Variants in EPC2 observed in about 807,000 individuals in gnomAD.
EPC2 encodes the protein enhancer of polycomb homolog 2.
In EPC2, 14 loss-of-function variants were observed where a neutral mutation model predicts 92.1. The observed-to-expected ratio is 0.15, with a 90% CI of 0.10 to 0.24. The LOEUF is 0.24. Among genes scored for constraint, EPC2 ranks in the 10% least tolerant of loss-of-function variants. EPC2 has a pLI of 1.00. For missense variants in EPC2, 755 were observed against 971.5 expected, an observed-to-expected ratio of 0.78 and a Z score of 2.96; for synonymous variants, 340 against 334.7, an observed-to-expected ratio of 1.02 and a Z score of -0.17.
In EPC2 at chr2:148,786,480, A is replaced by T; in HGVS notation, c.*103A>T. 1.2e-6 allele frequency: 1 copy of T among 852,726 alleles called. No homozygotes were observed. The highest frequency in any genetic ancestry group is 1.6e-5 in the South Asian group (1 of 64,446). 52.8% of individuals were successfully genotyped at this position (852,726 alleles called of 1,614,324 possible). On this transcript the variant is annotated 3_prime_UTR_variant, in exon 14 of 14. Coordinates refer to ENST00000258484, the MANE Select transcript of EPC2 (RefSeq NM_015630.4). ...TGTGGATCACAGAGTGTAACAATGG[A>T]CCTAAATGGACTATAGTATATTGGA...
intron 2 of EPC2, among the ~76,000 whole-genome samples, chr2:148,707,830 C>T (rs773717350): frequency 1.8e-4 from 28 of 152,208 alleles, no homozygotes; most frequent in Non-Finnish European, 3.8e-4. Flanking sequence ...ACCGGAATCT[C>T]TGGGACACAT....
chr2:148,668,241 A>G (rs923789392), intron 1 of EPC2, among the ~76,000 whole-genome samples: 2 of 152,146 alleles, frequency 1.3e-5, no homozygotes, highest in Non-Finnish European at 2.9e-5. Flanking sequence ...TTAATATGGT[A>G]AGTTACATTT....
chr2:148,671,475 A>C (rs1451813225), intron 1 of EPC2, among the ~76,000 whole-genome samples: 1 of 151,956 alleles, frequency 6.6e-6, no homozygotes, highest in Non-Finnish European at 1.5e-5. Context: ...TTAGTCAGGC[A>C]TGGTGGTGTG....
intron 1 of EPC2, among the ~76,000 whole-genome samples, chr2:148,678,836 A>G (rs991536912): frequency 6.6e-6 from 1 of 152,232 alleles, no homozygotes; most frequent in Non-Finnish European, 1.5e-5. Context: ...AGGGGCTCCC[A>G]CAGTGCAGCG....
At chr2:148,670,575 T>G (rs1010700697) in intron 1 of EPC2, among the ~76,000 whole-genome samples, 1 of 152,332 alleles carries the variant, frequency 6.6e-6, no homozygotes, top group Middle Eastern at 3.4e-3. Context: ...GTTGGGTTCT[T>G]TCTTCCAAAT....
intron 4 of EPC2, among the ~76,000 whole-genome samples, chr2:148,756,667 C>A (rs567319578): frequency 2.0e-4 from 31 of 152,310 alleles, no homozygotes; most frequent in Non-Finnish European, 3.8e-4. Flanking sequence ...ATTGGGAAAT[C>A]CTAGATCAGC....
intron 10 of EPC2, among the ~76,000 whole-genome samples, chr2:148,777,218 C>G (rs1311849358): frequency 6.6e-6 from 1 of 152,036 alleles, no homozygotes; most frequent in Non-Finnish European, 1.5e-5. Flanking sequence ...GTAACAAAGA[C>G]TGACCTGGTA....
intron 2 of EPC2, among the ~76,000 whole-genome samples, chr2:148,697,995 C>T (rs781109761): frequency 7.9e-5 from 12 of 151,892 alleles, no homozygotes; most frequent in Non-Finnish European, 1.6e-4. Context: ...AATTGGACCA[C>T]GTAGGACCTC....
At chr2:148,692,548 C>A (rs1035697867) in intron 2 of EPC2, 1 of 152,094 alleles carries the variant, frequency 6.6e-6, no homozygotes, top group Non-Finnish European at 1.5e-5. Context: ...AACACACATG[C>A]GAAAATTATT....
At chr2:148,678,897 G>T (rs1346261668) in intron 1 of EPC2, among the ~76,000 whole-genome samples, 1 of 152,252 alleles carries the variant, frequency 6.6e-6, no homozygotes, top group Non-Finnish European at 1.5e-5. Context: ...CCAGGCAGAG[G>T]AGGCGCCAAG....
At chr2:148,686,769 T>A (rs1681535735) in intron 1 of EPC2, among the ~76,000 whole-genome samples, 1 of 151,760 alleles carries the variant, frequency 6.6e-6, no homozygotes, top group Admixed American at 6.6e-5. Flanking sequence ...TTTAAACTAA[T>A]TTTTTTTTCC....
intron 3 of EPC2, among the ~76,000 whole-genome samples, chr2:148,751,005 T>A (rs1428889409): frequency 6.6e-6 from 1 of 152,106 alleles, no homozygotes; most frequent in Non-Finnish European, 1.5e-5. Context: ...GTTTTCACAT[T>A]GTTCCCTTAT....
At chr2:148,675,678 T>G (rs1681248575) in intron 1 of EPC2, among the ~76,000 whole-genome samples, 1 of 152,222 alleles carries the variant, frequency 6.6e-6, no homozygotes, top group Non-Finnish European at 1.5e-5. Context: ...GTATCTATCC[T>G]CTCTCCTGCT....
rs181992573 is a variant in EPC2, at chr2:148,733,432, T to C, written c.314-10190T>C. On this transcript the variant is annotated intron_variant, in intron 2 of 13. Coordinates refer to ENST00000258484, the MANE Select transcript of EPC2 (RefSeq NM_015630.4). Reference sequence around the variant, plus strand: ...TCTATCACATATTCTTCTCCTTTTCTCCTATTCCTTTTTATTATTACCTTT... The same window carrying C: ...TCTATCACATATTCTTCTCCTTTTCCCCTATTCCTTTTTATTATTACCTTT... Among the ~76,000 whole-genome samples the C allele has an allele frequency of 2.3e-4, 34 of 150,794 alleles. 1 individual carries two copies. In the East Asian group the frequency reaches 6.1e-3, roughly 27 times the overall value.
intron 1 of EPC2, among the ~76,000 whole-genome samples, chr2:148,662,513 T>A (rs916941546): frequency 6.6e-6 from 1 of 152,174 alleles, no homozygotes; most frequent in Non-Finnish European, 1.5e-5. Flanking sequence ...TCATGTCCTT[T>A]GTAGGGACAT....
At chr2:148,733,102 AT>A (rs925158387) in intron 2 of EPC2, among the ~76,000 whole-genome samples, 3 of 120,048 alleles carry the variant, frequency 2.5e-5, no homozygotes, top group African/African-American at 7.7e-5. Flanking sequence ...AGAATAATAG[AT>A]TTCTTGCCGT....
In EPC2 at chr2:148,784,790, A is replaced by G. The variant is rs1683830711; in HGVS notation, c.2140A>G (p.Thr714Ala). The change falls in exon 13 of 14, where the codon ACA becomes GCA. Residue 714 changes from threonine to alanine, a missense_variant. Physicochemically the swap from Thr to Ala is moderately conservative, Grantham distance 58. Transcript: ENST00000258484. ...AAACCACTTAATCCCAGCATTGTGC[A>G]CAAGCAGTCCTCAGACACTTCCCAT... ...TTNHLIPALC[T>A]SSPQTLPMNN... 1 of 1,613,994 alleles carries G rather than the reference A, an allele frequency of 6.2e-7. No homozygotes were observed. Among genetic ancestry groups the G allele is most frequent in the Non-Finnish European group, 8.5e-7 (1 of 1,179,882 alleles).
At chr2:148,688,253 C>T (rs904638623) in intron 1 of EPC2, among the ~76,000 whole-genome samples, 4 of 152,156 alleles carry the variant, frequency 2.6e-5, no homozygotes, top group African/African-American at 4.8e-5. Context: ...AGCTCATGTC[C>T]TTTGTAGGGA....
At chr2:148,740,385 A>T (rs1682858637) in intron 2 of EPC2, among the ~76,000 whole-genome samples, 1 of 152,088 alleles carries the variant, frequency 6.6e-6, no homozygotes, top group African/African-American at 2.4e-5. Context: ...GTTTAAAAGC[A>T]ACAAAATCTC....
Sources: allele counts gnomAD v4.1 joint callset (sites outside exome capture counted in the v4.1 genomes callset), GRCh38; gene constraint gnomAD v4.1.1; transcripts MANE v1.5; gene names NCBI Gene and HGNC (gene_info 2026-07-23, HGNC 2026-07-21).